The following CRB1 variants were observed in gnomAD, a reference collection of about 807,000 sequenced individuals.
The protein encoded by CRB1 is crumbs cell polarity complex component 1.
CRB1 carries 83 observed loss-of-function variants against 120.0 expected under a neutral mutation model. That is an observed-to-expected ratio of 0.69 (90% confidence interval 0.58 to 0.83). The LOEUF (loss-of-function observed/expected upper bound fraction) is 0.83. Among genes scored for constraint, CRB1 ranks in the 40% least tolerant of loss-of-function variants. The pLI is 0.00. For missense variants in CRB1, 1,699 were observed against 1,687.6 expected, an observed-to-expected ratio of 1.01 and a Z score of -0.12; for synonymous variants, 625 against 612.5, an observed-to-expected ratio of 1.02 and a Z score of -0.30.
chr1:197,355,381 C>T (rs921993447), intron 4 of CRB1, among the ~76,000 whole-genome samples: 2 of 152,194 alleles, frequency 1.3e-5, no homozygotes, highest in African/African-American at 2.4e-5. Context: ...CCGCCAGTCC[C>T]GCGCAGTGCG....
At chr1:197,399,962 A>G (rs1662976951) in intron 5 of CRB1, among the ~76,000 whole-genome samples, 1 of 152,156 alleles carries the variant, frequency 6.6e-6, no homozygotes, top group Non-Finnish European at 1.5e-5. Context: ...GACCTTTGCC[A>G]TATTCTGTTG....
chr1:197,362,389 GTGT>G (rs1660818033), intron 5 of CRB1, among the ~76,000 whole-genome samples: 1 of 152,078 alleles, frequency 6.6e-6, no homozygotes, highest in Non-Finnish European at 1.5e-5. Context: ...TTGACTGATG[GTGT>G]TGTTCACATT....
chr1:197,385,834 A>C (rs948460847), intron 5 of CRB1, among the ~76,000 whole-genome samples: 1 of 152,012 alleles, frequency 6.6e-6, no homozygotes, highest in Admixed American at 6.6e-5. Flanking sequence ...TTAATGACCC[A>C]AAAATGATAG....
chr1:197,383,690 A>G lies in CRB1; in HGVS notation c.1171+26677A>G, dbSNP rs575351634. ...CTGTCTTGGCTACCATGAAGCTCGG[A>G]GTTTAGTTTTTCTTCCTCCATGCCA... On this transcript the variant is annotated intron_variant, in intron 5 of 11. Coordinates refer to ENST00000367400, the MANE Select transcript of CRB1 (RefSeq NM_201253.3). Among the ~76,000 whole-genome samples, 8 of 152,190 alleles carry G rather than the reference A, an allele frequency of 5.3e-5. No homozygotes were observed. In the South Asian group the frequency reaches 1.7e-3, roughly 32 times the overall value.
At chr1:197,279,454 C>A (rs1655398688) in intron 1 of CRB1, among the ~76,000 whole-genome samples, 1 of 151,256 alleles carries the variant, frequency 6.6e-6, no homozygotes. Context: ...TAATTATAAA[C>A]TCAAATAATT....
At chr1:197,300,073 G>C (rs939174681) in intron 1 of CRB1, among the ~76,000 whole-genome samples, 1 of 151,780 alleles carries the variant, frequency 6.6e-6, no homozygotes, top group African/African-American at 2.4e-5. Flanking sequence ...CAGTATGTCT[G>C]ACTGCTTCAC....
chr1:197,376,585 C>G (rs2125392299), intron 5 of CRB1, among the ~76,000 whole-genome samples: 1 of 152,256 alleles, frequency 6.6e-6, no homozygotes, highest in South Asian at 2.1e-4. Context: ...AGTTTGTTGG[C>G]TTCTCCTTTA....
At chr1:197,231,749 A>G in the CRB1 span, among the ~76,000 whole-genome samples, 83 of 152,288 alleles carry the variant, frequency 5.5e-4, no homozygotes, top group Admixed American at 3.8e-3. Context: ...GCCTAGAACC[A>G]TCACTGTTTG....
At chr1:197,227,708 G>A in the CRB1 span, among the ~76,000 whole-genome samples, 407 of 152,110 alleles carry the variant, frequency 2.7e-3, no homozygotes, top group African/African-American at 9.4e-3. Context: ...TGCTCCTAGT[G>A]GAGCCCCCAC....
chr1:197,234,382 G>C, the CRB1 span, among the ~76,000 whole-genome samples: 2 of 152,174 alleles, frequency 1.3e-5, no homozygotes, highest in Non-Finnish European at 2.9e-5. Context: ...GGTATCACTG[G>C]AACAGCCCAT....
In CRB1 at chr1:197,421,514, C is replaced by A; in HGVS notation, c.1686C>A (p.Thr562=). 1 of 1,614,190 alleles carries A rather than the reference C, an allele frequency of 6.2e-7. No individual in the cohort carries two copies. Among genetic ancestry groups the A allele is most frequent in the Non-Finnish European group, 8.5e-7 (1 of 1,180,034 alleles). The change falls in exon 6 of 12, where the codon ACC becomes ACA. Residue 562 remains threonine (T), a synonymous_variant. Coordinates refer to ENST00000367400, the MANE Select transcript of CRB1 (RefSeq NM_201253.3). ...SKVLLFISHN[T]SDGEWHFVEV... is the part of the protein sequence containing the mutation. The stretch of plus-strand genomic sequence containing the variant: ...TGCTTCTGTTCATTTCCCACAACAC[C>A]AGCGATGGAGAGTGGCATTTCGTGG...
intron 1 of CRB1, among the ~76,000 whole-genome samples, chr1:197,289,053 G>A (rs760285378): frequency 5.9e-5 from 9 of 151,294 alleles, no homozygotes; most frequent in African/African-American, 2.2e-4. Context: ...GAGGAGACCC[G>A]GACAGATGAA....
chr1:197,437,183 CTG>C, intron 9 of CRB1, among the ~76,000 whole-genome samples: 1 of 152,176 alleles, frequency 6.6e-6, no homozygotes, highest in East Asian at 1.9e-4. Flanking sequence ...GGTTGGCAGC[CTG>C]TAGACATTAC....
chr1:197,387,422 G>C (rs1571448519), intron 5 of CRB1, among the ~76,000 whole-genome samples: 1 of 151,956 alleles, frequency 6.6e-6, no homozygotes, highest in African/African-American at 2.4e-5. Context: ...TTTGTCTTTG[G>C]TAATTCTCCC....
chr1:197,277,574 C>T (rs1020196668), intron 1 of CRB1, among the ~76,000 whole-genome samples: 2 of 151,826 alleles, frequency 1.3e-5, no homozygotes, highest in Non-Finnish European at 2.9e-5. Context: ...TAATCAGTTG[C>T]GGGTTTGCAG....
At chr1:197,434,648 A>T in intron 8 of CRB1, 58 bp from the exon 9 acceptor site, 1 of 1,451,892 alleles carries the variant, frequency 6.9e-7, no homozygotes, top group Non-Finnish European at 9.6e-7. Context: ...TAATAACGGT[A>T]ATTAAGCAAA....
chr1:197,460,692 T>G (rs1666491349), intron 11 of CRB1, among the ~76,000 whole-genome samples: 1 of 152,136 alleles, frequency 6.6e-6, no homozygotes, highest in Non-Finnish European at 1.5e-5. Flanking sequence ...AATCCTCATT[T>G]TTTTCTCCAG....
intron 5 of CRB1, among the ~76,000 whole-genome samples, chr1:197,388,247 A>G (rs2125410518): frequency 6.6e-6 from 1 of 152,200 alleles, no homozygotes; most frequent in South Asian, 2.1e-4. Flanking sequence ...AGCTACTTTA[A>G]GTTTCTTAGG....
At chr1:197,223,023 C>T in the CRB1 span, 1 of 788,806 alleles carries the variant, frequency 1.3e-6, no homozygotes, top group Admixed American at 1.7e-5. Context: ...TTTGACACCT[C>T]CCTTATGAGG....
Sources: gnomAD v4.1 joint callset for allele counts (sites outside exome capture counted in the v4.1 genomes callset) on GRCh38, gnomAD v4.1.1 for gene constraint, MANE v1.5 for transcripts, NCBI Gene and HGNC (gene_info 2026-07-23, HGNC 2026-07-21) for gene names.